MRPL48: variants seen among roughly 807,000 people sequenced by gnomAD.
MRPL48 encodes mitochondrial ribosomal protein L48.
MRPL48 carries 16 observed loss-of-function variants against 32.9 expected under a neutral mutation model. That is an observed-to-expected ratio of 0.49 (90% CI 0.33 to 0.74). The LOEUF (loss-of-function observed/expected upper bound fraction) is 0.74. Ranked by LOEUF, MRPL48 falls within the 30% of genes least tolerant of loss-of-function variation. The probability of loss-of-function intolerance (pLI) is 0.02; values close to 1 mark genes in which losing one functional copy is unlikely to be tolerated. For synonymous variants in MRPL48, 94 were observed against 89.2 expected, an observed-to-expected ratio of 1.05 and a Z score of -0.31; for missense variants, 206 against 245.3, an observed-to-expected ratio of 0.84 and a Z score of 1.07.
chr11:73,825,050 TTAATA>T (rs1003837419), intron 3 of MRPL48, among the ~76,000 whole-genome samples: 4 of 152,184 alleles, frequency 2.6e-5, no homozygotes, highest in Non-Finnish European at 4.4e-5. Flanking sequence ...GAAAGAGGTT[TTAATA>T]TAGTTATTGT....
rs769597385 is a variant in MRPL48, at chr11:73,805,089, T to C, written c.74+10T>C. Reference sequence around the variant, plus strand: ...CCTTTTCTCTCTTAAGGTAAGAATATTAAAAACAATAATTAAATATAGGTA... The same window carrying C: ...CCTTTTCTCTCTTAAGGTAAGAATACTAAAAACAATAATTAAATATAGGTA... On this transcript the variant is annotated intron_variant, in intron 2 of 7. Transcript: ENST00000310614. The C allele has an allele frequency of 2.8e-5, 44 of 1,553,654 alleles. No individual in the cohort carries two copies. The Middle Eastern group carries it at 2.0e-3, about 71-fold the overall frequency.
chr11:73,845,668 G>A (rs549972467), intron 5 of MRPL48, among the ~76,000 whole-genome samples: 272 of 152,322 alleles, frequency 1.8e-3, no homozygotes, highest in Non-Finnish European at 3.0e-3. Flanking sequence ...TACTCGGGAG[G>A]GTGAGGCGGG....
intron 4 of MRPL48, among the ~76,000 whole-genome samples, chr11:73,834,528 G>GTTTT (rs11444489): frequency 2.1e-5 from 3 of 142,786 alleles, no homozygotes; most frequent in African/African-American, 5.2e-5. Context: ...GTTTTTGCTG[G>GTTTT]TTTTTTTTTT....
At chr11:73,857,794 T>A (rs1272719493) in intron 5 of MRPL48, among the ~76,000 whole-genome samples, 1 of 151,754 alleles carries the variant, frequency 6.6e-6, no homozygotes, top group African/African-American at 2.4e-5. Context: ...AGTTTCACCG[T>A]GTTGGTCAGG....
intron 4 of MRPL48, among the ~76,000 whole-genome samples, chr11:73,844,058 G>T (rs1335360398): frequency 1.3e-5 from 2 of 151,280 alleles, no homozygotes; most frequent in South Asian, 4.2e-4. Flanking sequence ...CAGCCTGGGC[G>T]ACAAGAGTGA....
At chr11:73,821,298 A>G (rs1316631691) in intron 3 of MRPL48, among the ~76,000 whole-genome samples, 1 of 152,100 alleles carries the variant, frequency 6.6e-6, no homozygotes, top group Non-Finnish European at 1.5e-5. Context: ...CCTGGCCACA[A>G]TTTGTAATCT....
intron 1 of MRPL48, among the ~76,000 whole-genome samples, chr11:73,792,108 T>G (rs545529480): frequency 6.6e-6 from 1 of 152,288 alleles, no homozygotes; most frequent in East Asian, 1.9e-4. Flanking sequence ...AGAATAAAAC[T>G]GGATAGAGCC....
At chr11:73,841,509 C>A (rs1416998459) in intron 4 of MRPL48, among the ~76,000 whole-genome samples, 1 of 152,114 alleles carries the variant, frequency 6.6e-6, no homozygotes, top group Non-Finnish European at 1.5e-5. Context: ...ATCTTATGAA[C>A]CTAATGAATG....
At chr11:73,861,364 T>TG (rs1057148710) in intron 6 of MRPL48, among the ~76,000 whole-genome samples, 33 of 151,944 alleles carry the variant, frequency 2.2e-4, no homozygotes, top group African/African-American at 6.5e-4. Flanking sequence ...GTTTGTTTTT[T>TG]TTTGTTTGTT....
intron 3 of MRPL48, among the ~76,000 whole-genome samples, chr11:73,814,993 C>CATAAATAAATAAATAA (rs142219300): frequency 1.8e-3 from 264 of 149,154 alleles, no homozygotes; most frequent in African/African-American, 5.1e-3. Context: ...GACTTGGTCT[C>CATAAATAAATAAATAA]ATAAATAAAT....
chr11:73,827,970 C>T (rs1281248984), intron 4 of MRPL48, among the ~76,000 whole-genome samples: 1 of 152,130 alleles, frequency 6.6e-6, no homozygotes, highest in African/African-American at 2.4e-5. Flanking sequence ...AGTCAACCTT[C>T]CCCGTCTAGG....
chr11:73,850,863 A>C (rs987615692), intron 5 of MRPL48: 1 of 236,464 alleles, frequency 4.2e-6, no homozygotes, highest in African/African-American at 2.3e-5. Context: ...TTTTTGGTAG[A>C]GACGGGGTTT....
chr11:73,863,112 G>T (rs1403058037), intron 6 of MRPL48, 60 bp from the exon 7 acceptor site: 2 of 1,431,538 alleles, frequency 1.4e-6, no homozygotes, highest in African/African-American at 2.8e-5. Context: ...TACCATGTCT[G>T]CCCAGTTACC....
intron 1 of MRPL48, among the ~76,000 whole-genome samples, chr11:73,794,226 A>ATCTATCTATCTG (rs1327053480): frequency 6.7e-6 from 1 of 148,454 alleles, no homozygotes; most frequent in Non-Finnish European, 1.5e-5. Flanking sequence ...CTATCTATCT[A>ATCTATCTATCTG]TCTAAACTAT....
intron 2 of MRPL48, among the ~76,000 whole-genome samples, chr11:73,806,043 AC>A (rs2134963953): frequency 6.6e-6 from 1 of 151,568 alleles, no homozygotes; most frequent in East Asian, 1.9e-4. Flanking sequence ...TACTACCATC[AC>A]TTTGCCTCCC....
In MRPL48 at chr11:73,859,970, C is replaced by G; in HGVS notation, c.435C>G (p.Leu145=). Reference sequence around the variant, plus strand: ...TGCAGGACCAAGGCAGCAAAATGCTCCTGGACTCAGTGCTTACCACCCATG... The same window carrying G: ...TGCAGGACCAAGGCAGCAAAATGCTGCTGGACTCAGTGCTTACCACCCATG... The part of the protein sequence containing the change: ...LQLQDQGSKM[L]LDSVLTTHER... Residue 145 remains leucine (L), a synonymous_variant, in exon 6 of 8, where the codon CTC becomes CTG. Coordinates refer to ENST00000310614, the MANE Select transcript of MRPL48 (RefSeq NM_016055.6). The G allele has an allele frequency of 6.2e-7, 1 of 1,613,852 alleles. No homozygotes were observed. The highest frequency in any genetic ancestry group is 8.5e-7 in the Non-Finnish European group (1 of 1,179,860).
chr11:73,859,760 A>C, intron 5 of MRPL48, 147 bp from the exon 6 acceptor site: 1 of 604,182 alleles, frequency 1.7e-6, no homozygotes, highest in Non-Finnish European at 2.9e-6. Context: ...AGAGGGATCT[A>C]GTTACTTTGC....
rs983074794 is a variant in MRPL48 at position 73,863,191 on chromosome 11, C to A, written c.494C>A (p.Thr165Lys). Residue 165 changes from threonine (T) to lysine (K), a missense_variant, in exon 7 of 8, where the codon ACG (threonine) becomes AAG (lysine). By Grantham distance (78) the Thr-to-Lys change is moderately conservative. Coordinates refer to ENST00000310614, the MANE Select transcript of MRPL48 (RefSeq NM_016055.6). ...RVVQISGLSA[T>K]FAEIFLEIIQ... Reference sequence around the variant, plus strand: ...TTGCAGATCAGCGGTTTGAGTGCTACGTTTGCAGAAATTTTCTTGGAAATA... The same window carrying A: ...TTGCAGATCAGCGGTTTGAGTGCTAAGTTTGCAGAAATTTTCTTGGAAATA... 15 of 1,583,940 alleles carry A rather than the reference C, an allele frequency of 9.5e-6. No homozygotes were observed. The highest frequency in any genetic ancestry group is 1.2e-5 in the Non-Finnish European group (14 of 1,164,800).
At position 73,859,986 on chromosome 11, in the gene MRPL48, A is replaced by AC; in HGVS notation, c.453dup (p.Thr152HisfsTer3). 1 of 1,613,754 alleles carries AC rather than the reference A, an allele frequency of 6.2e-7. No homozygotes were observed. The highest frequency in any genetic ancestry group is 1.1e-5 in the South Asian group (1 of 91,024). On this transcript the variant is annotated frameshift_variant, in exon 6 of 8. Coordinates refer to ENST00000310614, the MANE Select transcript of MRPL48 (RefSeq NM_016055.6). LOFTEE classifies it high-confidence loss of function. ...CAAAATGCTCCTGGACTCAGTGCTT[A>AC]CCACCCATGAGCGAGTGGTTCAGGT... is the stretch of plus-strand genomic sequence containing the variant.
Sources: gnomAD v4.1 joint callset for allele counts (sites outside exome capture counted in the v4.1 genomes callset) on GRCh38, gnomAD v4.1.1 for gene constraint, MANE v1.5 for transcripts, NCBI Gene and HGNC (gene_info 2026-07-23, HGNC 2026-07-21) for gene names.